Variants in SNTG2 observed in about 807,000 individuals in gnomAD.
SNTG2 encodes the protein syntrophin gamma 2.
In SNTG2, 74 loss-of-function variants were observed where a neutral mutation model predicts 70.9. The ratio of observed to expected loss-of-function variants is 1.04; its 90% CI spans 0.86 to 1.27. SNTG2 has a LOEUF of 1.27. Among genes scored for constraint, SNTG2 ranks in the 50% most tolerant of loss-of-function variants. The pLI is 0.00. For synonymous variants in SNTG2, 278 were observed against 273.8 expected, an observed-to-expected ratio of 1.02 and a Z score of -0.15; for missense variants, 717 against 690.7, an observed-to-expected ratio of 1.04 and a Z score of -0.43.
intron 1 of SNTG2, among the ~76,000 whole-genome samples, chr2:965,492 AT>A (rs1342153672): frequency 7.1e-6 from 1 of 141,496 alleles, no homozygotes; most frequent in African/African-American, 2.7e-5. Flanking sequence ...CTCCTCCTTG[AT>A]CCTCTGGTCT....
At chr2:1,236,124 A>G (rs1676640661) in intron 9 of SNTG2, among the ~76,000 whole-genome samples, 1 of 152,242 alleles carries the variant, frequency 6.6e-6, no homozygotes, top group African/African-American at 2.4e-5. Context: ...ACCAGTTAAC[A>G]TGAACAAATG....
chr2:965,165 TTGGACCCCAATCCTCCTC>T (rs1660497302), intron 1 of SNTG2, among the ~76,000 whole-genome samples: 1 of 119,940 alleles, frequency 8.3e-6, no homozygotes, highest in East Asian at 2.5e-4. Flanking sequence ...GTCCTCCTCC[TTGGACCCCAATCCTCCTC>T]CTGGTCCCCA....
chr2:1,147,858 C>T (rs76341561), intron 6 of SNTG2, among the ~76,000 whole-genome samples: 2,998 of 152,218 alleles, frequency 0.02, 97 homozygotes, highest in African/African-American at 0.068. Flanking sequence ...AATATTATTC[C>T]GAAAACATTG....
intron 6 of SNTG2, among the ~76,000 whole-genome samples, chr2:1,141,769 T>C (rs1172629885): frequency 9.3e-6 from 1 of 107,574 alleles, no homozygotes; most frequent in Non-Finnish European, 1.9e-5. Context: ...AGGACACATA[T>C]CTGTTCAGCT....
chr2:1,002,929 C>T (rs1217647234), intron 1 of SNTG2, among the ~76,000 whole-genome samples: 1 of 151,488 alleles, frequency 6.6e-6, no homozygotes, highest in East Asian at 1.9e-4. Flanking sequence ...AAAAAGAATA[C>T]AATCTTGTCT....
intron 1 of SNTG2, among the ~76,000 whole-genome samples, chr2:1,040,679 G>C (rs73166524): frequency 6.6e-6 from 1 of 152,166 alleles, no homozygotes; most frequent in Non-Finnish European, 1.5e-5. Context: ...AACCAATTTA[G>C]ATGTTTTTCC....
chr2:1,162,115 T>C (rs1219737486), intron 6 of SNTG2, among the ~76,000 whole-genome samples: 1 of 151,342 alleles, frequency 6.6e-6, no homozygotes, highest in Non-Finnish European at 1.5e-5. Flanking sequence ...CAGGCTACTC[T>C]GCCTCTCTCT....
chr2:1,308,662 G>A (rs1002182079), intron 15 of SNTG2, 76 bp downstream of exon 15: 49 of 1,251,312 alleles, frequency 3.9e-5, no homozygotes, highest in Non-Finnish European at 4.9e-5. Context: ...TAACACTCAC[G>A]CATGTCTGGT....
At chr2:1,033,156 A>G (rs1227565860) in intron 1 of SNTG2, among the ~76,000 whole-genome samples, 1 of 152,188 alleles carries the variant, frequency 6.6e-6, no homozygotes. Context: ...TCCATCTCCA[A>G]CATTGGAGAT....
At chr2:1,139,411 T>A (rs564954767) in intron 6 of SNTG2, among the ~76,000 whole-genome samples, 6 of 152,212 alleles carry the variant, frequency 3.9e-5, no homozygotes, top group Admixed American at 3.3e-4. Context: ...TTTGTAGTTT[T>A]TTTTAGTAGA....
intron 1 of SNTG2, among the ~76,000 whole-genome samples, chr2:956,256 C>T (rs1463342358): frequency 3.1e-5 from 4 of 127,106 alleles, no homozygotes; most frequent in Middle Eastern, 4.3e-3. Flanking sequence ...CCCGCCCCTG[C>T]GCCTCCCCCT....
intron 16 of SNTG2, among the ~76,000 whole-genome samples, chr2:1,330,692 A>G (rs1461389770): frequency 6.6e-6 from 1 of 152,244 alleles, no homozygotes; most frequent in Non-Finnish European, 1.5e-5. Context: ...TATTAATTTA[A>G]GAATTTCAAA....
At chr2:1,069,499 A>AC (rs1302600633) in intron 1 of SNTG2, among the ~76,000 whole-genome samples, 2 of 151,884 alleles carry the variant, frequency 1.3e-5, no homozygotes, top group African/African-American at 4.8e-5. Flanking sequence ...GAAAAAAAAA[A>AC]AAACAAAAAC....
intron 9 of SNTG2, chr2:1,220,154 C>T (rs745675700): frequency 1.3e-5 from 2 of 152,340 alleles, no homozygotes; most frequent in Non-Finnish European, 1.5e-5. Flanking sequence ...GCACTCCTTA[C>T]CCGGGCTTCC....
intron 8 of SNTG2, among the ~76,000 whole-genome samples, chr2:1,197,570 A>G (rs1673006045): frequency 6.9e-6 from 1 of 144,150 alleles, no homozygotes; most frequent in Non-Finnish European, 1.5e-5. Flanking sequence ...ACAGGTTCTC[A>G]CTGTCACTCA....
intron 1 of SNTG2, among the ~76,000 whole-genome samples, chr2:1,005,651 A>G (rs974434035): frequency 1.3e-5 from 2 of 150,884 alleles, no homozygotes; most frequent in Non-Finnish European, 3.0e-5. Flanking sequence ...TAACAGTACA[A>G]AAATTAGCCA....
At chr2:1,203,690 A>ATATATATATATG (rs150383929) in intron 8 of SNTG2, among the ~76,000 whole-genome samples, 10 of 141,300 alleles carry the variant, frequency 7.1e-5, no homozygotes, top group African/African-American at 2.6e-4. Flanking sequence ...ATATATATAT[A>ATATATATATATG]TGTGTGTGTG....
intron 1 of SNTG2, among the ~76,000 whole-genome samples, chr2:1,037,593 T>C (rs1300179308): frequency 6.6e-6 from 1 of 152,026 alleles, no homozygotes; most frequent in Non-Finnish European, 1.5e-5. Context: ...CACAGAATCA[T>C]AGGACGTCTG....
chr2:1,002,162 A>AG (rs35870950), intron 1 of SNTG2, among the ~76,000 whole-genome samples: 2 of 151,568 alleles, frequency 1.3e-5, no homozygotes, highest in Non-Finnish European at 3.0e-5. Context: ...TAAAAAAACC[A>AG]GAAGAAAATC....
Sources: allele counts gnomAD v4.1 joint callset (sites outside exome capture counted in the v4.1 genomes callset), GRCh38; gene constraint gnomAD v4.1.1; transcripts MANE v1.5; gene names NCBI Gene and HGNC (gene_info 2026-07-23, HGNC 2026-07-21).